TRPM3: variants seen among roughly 807,000 people sequenced by gnomAD.
TRPM3 encodes transient receptor potential cation channel subfamily M member 3, also known as long transient receptor potential channel 3.
Under a neutral mutation model 181.2 loss-of-function variants are expected in TRPM3, and 77 were observed. That is an observed-to-expected ratio of 0.42 (90% CI 0.35 to 0.51). The LOEUF (loss-of-function observed/expected upper bound fraction) is 0.51. Among genes scored for constraint, TRPM3 ranks in the 20% least tolerant of loss-of-function variants. The pLI is 0.01. For missense variants in TRPM3, 1,759 were observed against 2,196.7 expected, an observed-to-expected ratio of 0.80 and a Z score of 3.98; for synonymous variants, 745 against 796.4, an observed-to-expected ratio of 0.94 and a Z score of 1.09.
intron 1 of TRPM3, among the ~76,000 whole-genome samples, chr9:71,331,728 AGGAGAAAAAGGAGGAGGAGGAAAAGGG>A (rs1052156729): frequency 6.8e-5 from 8 of 118,212 alleles, no homozygotes; most frequent in African/African-American, 1.3e-4. Context: ...GAGGAAAAGG[AGGAGAAAAAGGAGGAGGAGGAAAAGGG>A]GGAGAAAAAG....
At chr9:71,354,035 T>A (rs1588635828) in intron 1 of TRPM3, among the ~76,000 whole-genome samples, 1 of 152,274 alleles carries the variant, frequency 6.6e-6, no homozygotes, top group East Asian at 1.9e-4. Flanking sequence ...TATTTTAAGA[T>A]CCAGGCCACT....
At chr9:71,010,819 C>G (rs973158706) in intron 1 of TRPM3, among the ~76,000 whole-genome samples, 4 of 151,958 alleles carry the variant, frequency 2.6e-5, no homozygotes, top group Non-Finnish European at 5.9e-5. Context: ...AAAGAGATAT[C>G]TGCACTCCCA....
chr9:70,941,086 C>T (rs1030650649), intron 1 of TRPM3, among the ~76,000 whole-genome samples: 4 of 152,128 alleles, frequency 2.6e-5, no homozygotes, highest in Admixed American at 2.6e-4. Flanking sequence ...ATTGTCAACT[C>T]AATTGGATTG....
chr9:70,753,609 T>C (rs2076561325), intron 8 of TRPM3, among the ~76,000 whole-genome samples: 1 of 152,088 alleles, frequency 6.6e-6, no homozygotes, highest in Admixed American at 6.6e-5. Context: ...AGGCACAAGG[T>C]AAAGAAAACT....
intron 12 of TRPM3, among the ~76,000 whole-genome samples, chr9:70,633,357 G>C (rs1031724288): frequency 1.3e-5 from 2 of 152,164 alleles, no homozygotes; most frequent in African/African-American, 4.8e-5. Context: ...AAAACCGGAA[G>C]GTTCAAAGGA....
At chr9:71,119,518 T>C (rs1337661618) in intron 1 of TRPM3, among the ~76,000 whole-genome samples, 1 of 152,050 alleles carries the variant, frequency 6.6e-6, no homozygotes, top group Non-Finnish European at 1.5e-5. Flanking sequence ...TTGTGACTAG[T>C]AAATGAATAA....
At chr9:71,439,798 A>C (rs1292205684) in intron 1 of TRPM3, among the ~76,000 whole-genome samples, 1 of 152,024 alleles carries the variant, frequency 6.6e-6, no homozygotes, top group Non-Finnish European at 1.5e-5. Flanking sequence ...TATATTTGAG[A>C]CTAAGTTTTA....
At chr9:71,114,014 T>C (rs1449279170) in intron 1 of TRPM3, among the ~76,000 whole-genome samples, 2 of 152,214 alleles carry the variant, frequency 1.3e-5, no homozygotes, top group East Asian at 1.9e-4. Context: ...CTTTGAGAAA[T>C]ACTGCTTCAA....
chr9:70,997,717 A>G (rs976711575), intron 1 of TRPM3, among the ~76,000 whole-genome samples: 5 of 152,106 alleles, frequency 3.3e-5, no homozygotes, highest in African/African-American at 9.7e-5. Flanking sequence ...TCTGTAGTTA[A>G]TTTCACCAGT....
intron 1 of TRPM3, among the ~76,000 whole-genome samples, chr9:70,897,720 A>G (rs545224802): frequency 3.5e-4 from 54 of 152,308 alleles, no homozygotes; most frequent in African/African-American, 1.2e-3. Flanking sequence ...AAAGGCTTGA[A>G]AGATTAAAGA....
intron 1 of TRPM3, among the ~76,000 whole-genome samples, chr9:71,222,458 T>C (rs1420625466): frequency 6.6e-6 from 1 of 152,156 alleles, no homozygotes; most frequent in African/African-American, 2.4e-5. Flanking sequence ...AGATAGGCAA[T>C]TTTAATAAAT....
At chr9:70,623,398 C>T (rs918695430) in intron 14 of TRPM3, among the ~76,000 whole-genome samples, 1 of 151,660 alleles carries the variant, frequency 6.6e-6, no homozygotes, top group Admixed American at 6.6e-5. Context: ...TGCCCACTAC[C>T]AGCTAGAGCA....
intron 1 of TRPM3, among the ~76,000 whole-genome samples, chr9:71,391,832 G>A (rs1694200570): frequency 6.6e-6 from 1 of 152,040 alleles, no homozygotes; most frequent in Non-Finnish European, 1.5e-5. Context: ...CTTTCAGCTG[G>A]CTGAAGAGAT....
chr9:71,139,246 A>G (rs1813993850), intron 1 of TRPM3, among the ~76,000 whole-genome samples: 1 of 152,240 alleles, frequency 6.6e-6, no homozygotes, highest in African/African-American at 2.4e-5. Flanking sequence ...CCCACTAGCT[A>G]AAGAGTACAC....
intron 8 of TRPM3, chr9:70,761,076 C>G: frequency 4.6e-6 from 1 of 218,394 alleles, no homozygotes; most frequent in Non-Finnish European, 9.0e-6. Flanking sequence ...GGTCTCTGAT[C>G]ATACCACATT....
At chr9:70,972,807 C>G (rs2097260513) in intron 1 of TRPM3, among the ~76,000 whole-genome samples, 1 of 152,010 alleles carries the variant, frequency 6.6e-6, no homozygotes, top group Admixed American at 6.6e-5. Context: ...AAGAATTATT[C>G]AGGTTAGTGC....
intron 1 of TRPM3, among the ~76,000 whole-genome samples, chr9:71,010,134 G>T (rs2134354056): frequency 6.6e-6 from 1 of 152,230 alleles, no homozygotes; most frequent in South Asian, 2.1e-4. Context: ...AGTACTAGAA[G>T]CAAAAATAGG....
intron 9 of TRPM3, among the ~76,000 whole-genome samples, chr9:70,662,818 A>G (rs990226043): frequency 1.4e-4 from 22 of 152,152 alleles, no homozygotes; most frequent in Non-Finnish European, 2.9e-4. Context: ...CAACCACTAC[A>G]GAAAACAGTA....
intron 22 of TRPM3, among the ~76,000 whole-genome samples, chr9:70,576,833 C>T (rs2054144527): frequency 6.6e-6 from 1 of 152,130 alleles, no homozygotes; most frequent in South Asian, 2.1e-4. Flanking sequence ...ATCTTAAACT[C>T]CAATCACACT....
Sources: gnomAD v4.1 joint callset for allele counts (sites outside exome capture counted in the v4.1 genomes callset) on GRCh38, gnomAD v4.1.1 for gene constraint, MANE v1.5 for transcripts, NCBI Gene and HGNC (gene_info 2026-07-23, HGNC 2026-07-21) for gene names.